The following DLG2 variants were observed in gnomAD, a reference collection of about 807,000 sequenced individuals.
The protein encoded by DLG2 is discs large MAGUK scaffold protein 2.
In DLG2, 45 loss-of-function variants were observed where a neutral mutation model predicts 132.5. That is an observed-to-expected ratio of 0.34 (90% CI 0.27 to 0.44). DLG2 has a LOEUF of 0.44. DLG2 is among the 20% of genes least tolerant of loss of function. The probability of loss-of-function intolerance (pLI) is 1.00; values close to 1 mark genes in which losing one functional copy is unlikely to be tolerated. For missense variants in DLG2, 1,045 were observed against 1,196.9 expected, an observed-to-expected ratio of 0.87 and a Z score of 1.87; for synonymous variants, 424 against 419.6, an observed-to-expected ratio of 1.01 and a Z score of -0.13.
chr11:85,441,782 T>G (rs1400484371), intron 3 of DLG2, among the ~76,000 whole-genome samples: 1 of 152,150 alleles, frequency 6.6e-6, no homozygotes, highest in Non-Finnish European at 1.5e-5. Context: ...GATATAAAAA[T>G]GAATGACAGA....
intron 6 of DLG2, among the ~76,000 whole-genome samples, chr11:84,679,988 G>C (rs11605841): frequency 0.17 from 26,333 of 152,086 alleles, 2,665 homozygotes; most frequent in African/African-American, 0.26. Context: ...CCAACAGGTA[G>C]TGCTCTTCAT....
intron 20 of DLG2, among the ~76,000 whole-genome samples, chr11:83,533,917 A>C (rs988745715): frequency 1.3e-5 from 2 of 152,172 alleles, no homozygotes; most frequent in African/African-American, 4.8e-5. Context: ...AGACTGAAGG[A>C]GGGAAGGAGC....
intron 6 of DLG2, among the ~76,000 whole-genome samples, chr11:85,023,575 CACAA>C (rs1423532569): frequency 2.0e-5 from 3 of 151,878 alleles, no homozygotes; most frequent in Non-Finnish European, 4.4e-5. Flanking sequence ...TAAATAAATA[CACAA>C]ACAAAATAGT....
chr11:84,766,273 C>T (rs117757936), intron 6 of DLG2, among the ~76,000 whole-genome samples: 1 of 151,936 alleles, frequency 6.6e-6, no homozygotes, highest in Non-Finnish European at 1.5e-5. Context: ...CTTCCCTTTC[C>T]ATCCAAGGTG....
intron 3 of DLG2, among the ~76,000 whole-genome samples, chr11:85,539,041 G>A (rs999338864): frequency 6.6e-6 from 1 of 151,824 alleles, no homozygotes; most frequent in Non-Finnish European, 1.5e-5. Flanking sequence ...GATCCACCTT[G>A]TCTGAAAGTA....
intron 18 of DLG2, among the ~76,000 whole-genome samples, chr11:83,657,772 C>A (rs1054931609): frequency 1.3e-5 from 2 of 152,152 alleles, no homozygotes; most frequent in South Asian, 2.1e-4. Context: ...AATCTCCTGA[C>A]CTCGTGATCC....
chr11:84,468,866 T>C (rs1440231631), intron 7 of DLG2, among the ~76,000 whole-genome samples: 1 of 151,602 alleles, frequency 6.6e-6, no homozygotes, highest in Non-Finnish European at 1.5e-5. Context: ...TCATAACTAT[T>C]CCATTTTGCT....
chr11:84,659,200 G>A (rs1034696351), intron 6 of DLG2, among the ~76,000 whole-genome samples: 2 of 151,908 alleles, frequency 1.3e-5, no homozygotes, highest in Non-Finnish European at 2.9e-5. Flanking sequence ...CAACTTGTAG[G>A]TAGCCTCAAT....
At chr11:83,584,145 T>C (rs904987176) in intron 19 of DLG2, among the ~76,000 whole-genome samples, 2 of 152,182 alleles carry the variant, frequency 1.3e-5, no homozygotes, top group Non-Finnish European at 2.9e-5. Context: ...TTTCCTATTA[T>C]AGACTTTTGT....
At chr11:84,779,072 G>T (rs541464518) in intron 6 of DLG2, among the ~76,000 whole-genome samples, 1 of 152,128 alleles carries the variant, frequency 6.6e-6, no homozygotes, top group Non-Finnish European at 1.5e-5. Context: ...TTGGGACTCA[G>T]ACTGAGCCAC....
At chr11:84,379,258 ATATGTTC>A (rs2154433376) in intron 7 of DLG2, among the ~76,000 whole-genome samples, 2 of 152,286 alleles carry the variant, frequency 1.3e-5, no homozygotes, top group Non-Finnish European at 2.9e-5. Flanking sequence ...ATAATATACA[ATATGTTC>A]TAATATGTTC....
intron 2 of DLG2, among the ~76,000 whole-genome samples, chr11:85,603,202 C>A (rs1229753336): frequency 2.0e-5 from 3 of 152,144 alleles, no homozygotes; most frequent in African/African-American, 7.2e-5. Flanking sequence ...AATGTTTTAA[C>A]AACTCTGAAT....
chr11:85,021,662 A>G, intron 6 of DLG2: 5 of 1,143,522 alleles, frequency 4.4e-6, no homozygotes, highest in Non-Finnish European at 6.6e-6. Context: ...ATTGTGTTTG[A>G]TGATAAGGTT....
At chr11:84,064,461 C>T (rs1276367171) in intron 10 of DLG2, among the ~76,000 whole-genome samples, 1 of 152,180 alleles carries the variant, frequency 6.6e-6, no homozygotes, top group Non-Finnish European at 1.5e-5. Context: ...CTCACCACAG[C>T]TCTAAAACTT....
At chr11:84,707,433 G>C (rs1200585902) in intron 6 of DLG2, among the ~76,000 whole-genome samples, 1 of 151,820 alleles carries the variant, frequency 6.6e-6, no homozygotes, top group African/African-American at 2.4e-5. Flanking sequence ...ACATGGAGGT[G>C]TATGTGAAAC....
chr11:83,466,726 C>G lies in DLG2; in HGVS notation c.2711G>C (p.Arg904Thr), dbSNP rs1473132739. 1 of 1,612,262 alleles carries G rather than the reference C, an allele frequency of 6.2e-7. No homozygotes were observed. Among genetic ancestry groups the G allele is most frequent in the South Asian group, 1.1e-5 (1 of 91,034 alleles). The change falls in exon 26 of 28, where the codon AGG becomes ACG. Residue 904 changes from arginine (R) to threonine (T), a missense_variant. Coordinates refer to ENST00000376104, the MANE Select transcript of DLG2 (RefSeq NM_001142699.3). The stretch of plus-strand genomic sequence containing the variant: ...TACTCACATAAGAGGTTCCAGAGAC[C>G]TGGGTTTTATGAAGATGGCAATGGG... The part of the protein sequence containing the change: ...LYPIAIFIKP[R>T]SLEPLMEMNK...
At chr11:84,087,605 G>T (rs898075844) in intron 10 of DLG2, among the ~76,000 whole-genome samples, 19 of 152,166 alleles carry the variant, frequency 1.2e-4, no homozygotes, top group African/African-American at 4.1e-4. Flanking sequence ...TTGAGATGAG[G>T]TGACTTTCTT....
intron 27 of DLG2, among the ~76,000 whole-genome samples, chr11:83,460,508 ACCATAAGT>A (rs1482379316): frequency 1.3e-5 from 2 of 152,226 alleles, no homozygotes; most frequent in Non-Finnish European, 2.9e-5. Context: ...TATTGAGAAT[ACCATAAGT>A]CCACTATTTA....
At chr11:85,147,685 C>T (rs1309389168) in intron 5 of DLG2, among the ~76,000 whole-genome samples, 1 of 152,106 alleles carries the variant, frequency 6.6e-6, no homozygotes, top group Non-Finnish European at 1.5e-5. Flanking sequence ...GAAAAACTGA[C>T]TTACCCAAAG....
Sources: allele counts gnomAD v4.1 joint callset (sites outside exome capture counted in the v4.1 genomes callset), GRCh38; gene constraint gnomAD v4.1.1; transcripts MANE v1.5; gene names NCBI Gene and HGNC (gene_info 2026-07-23, HGNC 2026-07-21).